The following MAGI2 variants were observed in gnomAD, a reference collection of about 807,000 sequenced individuals.
The protein encoded by MAGI2 is membrane associated guanylate kinase, WW and PDZ domain containing 2, also known as membrane-associated guanylate kinase, WW and PDZ domain-containing protein 2.
Under a neutral mutation model 133.3 loss-of-function variants are expected in MAGI2, and 35 were observed. The ratio of observed to expected loss-of-function variants is 0.26; its 90% CI spans 0.20 to 0.35. MAGI2 has a LOEUF of 0.35. Ranked by LOEUF, MAGI2 falls within the 10% of genes least tolerant of loss-of-function variation. The pLI, the probability that MAGI2 is intolerant of heterozygous loss-of-function variation, is 1.00. For synonymous variants in MAGI2, 729 were observed against 710.6 expected, an observed-to-expected ratio of 1.03 and a Z score of -0.41; for missense variants, 1,636 against 1,863.4, an observed-to-expected ratio of 0.88 and a Z score of 2.25.
intron 10 of MAGI2, among the ~76,000 whole-genome samples, chr7:78,231,074 A>G (rs2150873465): frequency 6.6e-6 from 1 of 152,328 alleles, no homozygotes; most frequent in Middle Eastern, 3.4e-3. Flanking sequence ...CTTTAATTGG[A>G]ATATAAATCA....
intron 1 of MAGI2, among the ~76,000 whole-genome samples, chr7:79,314,872 G>T (rs993028119): frequency 6.6e-6 from 1 of 152,156 alleles, no homozygotes; most frequent in African/African-American, 2.4e-5. Flanking sequence ...TTGGAGCCAG[G>T]TAGAGAGAAG....
chr7:78,294,979 ATAT>A (rs1004087136), intron 9 of MAGI2, among the ~76,000 whole-genome samples: 1 of 102,924 alleles, frequency 9.7e-6, no homozygotes, highest in African/African-American at 2.7e-5. Context: ...AGAACAGAAC[ATAT>A]TATTTTTAAA....
chr7:79,243,379 C>T (rs111324946), intron 1 of MAGI2, among the ~76,000 whole-genome samples: 5,911 of 152,160 alleles, frequency 0.039, 183 homozygotes, highest in African/African-American at 0.079. Context: ...AAACTAGCTG[C>T]CTCATGTACG....
At chr7:79,038,094 T>C (rs565241589) in intron 1 of MAGI2, among the ~76,000 whole-genome samples, 4 of 152,338 alleles carry the variant, frequency 2.6e-5, no homozygotes, top group Middle Eastern at 3.4e-3. Flanking sequence ...GACAACTGTC[T>C]AGATTGATTA....
chr7:78,443,135 C>A (rs541275290), intron 6 of MAGI2, among the ~76,000 whole-genome samples: 1 of 152,072 alleles, frequency 6.6e-6, no homozygotes, highest in East Asian at 1.9e-4. Context: ...AACTACTAAG[C>A]AGAGCCATAT....
intron 1 of MAGI2, among the ~76,000 whole-genome samples, chr7:79,434,838 T>G (rs192675812): frequency 9.8e-5 from 15 of 152,342 alleles, no homozygotes; most frequent in African/African-American, 3.6e-4. Flanking sequence ...TTTAATTTGA[T>G]ATACTGAATA....
intron 1 of MAGI2, among the ~76,000 whole-genome samples, chr7:79,303,280 T>A (rs140037139): frequency 1.8e-3 from 233 of 131,426 alleles, no homozygotes; most frequent in African/African-American, 6.1e-3. Context: ...AAAAAACATT[T>A]GTACCCCAAA....
intron 2 of MAGI2, among the ~76,000 whole-genome samples, chr7:78,885,156 G>A (rs1796164050): frequency 6.6e-6 from 1 of 152,130 alleles, no homozygotes; most frequent in East Asian, 1.9e-4. Context: ...GACTACTAGA[G>A]AGAGCATAGG....
chr7:78,104,742 G>A (rs1035974063), intron 20 of MAGI2, among the ~76,000 whole-genome samples: 6 of 152,028 alleles, frequency 3.9e-5, no homozygotes, highest in African/African-American at 1.5e-4. Flanking sequence ...AACCAGTTCT[G>A]ACTACACCAT....
chr7:78,162,285 G>A (rs1346349484), intron 15 of MAGI2, among the ~76,000 whole-genome samples: 2 of 151,834 alleles, frequency 1.3e-5, no homozygotes, highest in East Asian at 3.9e-4. Context: ...CAGCACTTTG[G>A]GAGGCTGAGG....
chr7:79,058,088 G>A (rs1353717078), intron 1 of MAGI2, among the ~76,000 whole-genome samples: 2 of 151,762 alleles, frequency 1.3e-5, no homozygotes, highest in African/African-American at 4.8e-5. Flanking sequence ...AGAAACAGAG[G>A]AAGTGGTGGA....
At chr7:78,860,464 G>A (rs993049425) in intron 2 of MAGI2, among the ~76,000 whole-genome samples, 7 of 152,204 alleles carry the variant, frequency 4.6e-5, no homozygotes, top group Non-Finnish European at 5.9e-5. Flanking sequence ...CCTTCTAACA[G>A]TCAGGACCCT....
chr7:79,424,054 A>G (rs1847163671), intron 1 of MAGI2, among the ~76,000 whole-genome samples: 1 of 152,132 alleles, frequency 6.6e-6, no homozygotes, highest in African/African-American at 2.4e-5. Context: ...GGCTTAGCAC[A>G]TCAGAGAAAA....
chr7:79,247,804 A>ATGAC (rs1443024482), intron 1 of MAGI2, among the ~76,000 whole-genome samples: 19 of 152,306 alleles, frequency 1.2e-4, no homozygotes, highest in African/African-American at 4.6e-4. Flanking sequence ...GTTTAAAATA[A>ATGAC]TGACTTATAA....
chr7:79,173,021 T>A (rs1825757964), intron 1 of MAGI2: 1 of 152,064 alleles, frequency 6.6e-6, no homozygotes, highest in Non-Finnish European at 1.5e-5. Context: ...TTATGATTAC[T>A]ATTATTTGTA....
At position 78,943,739 on chromosome 7, in the gene MAGI2, G is replaced by A. The variant is rs570150078; in HGVS notation, c.418+63351C>T. On this transcript the variant is annotated intron_variant, in intron 2 of 21. Coordinates refer to ENST00000354212, the MANE Select transcript of MAGI2 (RefSeq NM_012301.4). ...ATTGCAAGTAGCATTTTGTTGCCTC[G>A]GTGGAGATAATTTCCTTTTCTTTAA... 4.6e-5 allele frequency among the ~76,000 whole-genome samples: 7 copies of A among 152,132 alleles called. No individual in the cohort carries two copies. The East Asian group carries it at 5.8e-4, about 13-fold the overall frequency.
intron 6 of MAGI2, among the ~76,000 whole-genome samples, chr7:78,431,041 A>G (rs555136368): frequency 4.6e-5 from 7 of 150,814 alleles, no homozygotes; most frequent in Non-Finnish European, 7.4e-5. Context: ...CTTCTCTATG[A>G]GCTGAATTGC....
At chr7:78,461,701 C>T (rs979784039) in intron 6 of MAGI2, among the ~76,000 whole-genome samples, 2 of 151,550 alleles carry the variant, frequency 1.3e-5, no homozygotes, top group East Asian at 1.9e-4. Context: ...CACCTGAGGT[C>T]GGGAGTCCGA....
Position 79,032,878 on chromosome 7 carries a change from A to T in MAGI2, c.302-25672T>A. 1.6e-5 allele frequency among the ~76,000 whole-genome samples: 2 copies of T among 124,966 alleles called. 1 individual carries two copies. Among genetic ancestry groups the T allele is most frequent in the Non-Finnish European group, 3.4e-5 (2 of 59,174 alleles). The allele number at this position is 124,966 out of a possible 152,430, so 82.0% of individuals were successfully genotyped here. On this transcript the variant is annotated intron_variant, in intron 1 of 21. Coordinates refer to ENST00000354212, the MANE Select transcript of MAGI2 (RefSeq NM_012301.4). ...ACTGTAACATTTCCAGAGGTCTTTT[A>T]AAGTTCTTTTGAGAAGGACAGGCTA...
Sources: gnomAD v4.1 joint callset for allele counts (sites outside exome capture counted in the v4.1 genomes callset) on GRCh38, gnomAD v4.1.1 for gene constraint, MANE v1.5 for transcripts, NCBI Gene and HGNC (gene_info 2026-07-23, HGNC 2026-07-21) for gene names.